IL1RAPL2: variants seen among roughly 807,000 people sequenced by gnomAD.
IL1RAPL2 encodes the protein X-linked interleukin-1 receptor accessory protein-like 2.
IL1RAPL2 carries 3 observed loss-of-function variants against 44.1 expected under a neutral mutation model. That is an observed-to-expected ratio of 0.07 (90% confidence interval 0.03 to 0.18). IL1RAPL2 has a LOEUF of 0.18. IL1RAPL2 is among the 10% of genes least tolerant of loss of function. The pLI is 1.00. For missense variants in IL1RAPL2, 391 were observed against 496.4 expected, an observed-to-expected ratio of 0.79 and a Z score of 2.02; for synonymous variants, 181 against 178.8, an observed-to-expected ratio of 1.01 and a Z score of -0.10.
At chrX:105,428,746 G>A (rs773093347) in intron 5 of IL1RAPL2, among the ~76,000 whole-genome samples, 4 of 111,500 alleles carry the variant, frequency 3.6e-5, no homozygotes, top group Non-Finnish European at 7.5e-5. Flanking sequence ...CCCTCCTATA[G>A]AACTAATCAT....
intron 1 of IL1RAPL2, among the ~76,000 whole-genome samples, chrX:104,596,024 C>T (rs1392614183): frequency 1.8e-5 from 2 of 110,109 alleles, no homozygotes; most frequent in Non-Finnish European, 3.8e-5. Context: ...TCTGTGGATC[C>T]CTTCTCAGAA....
Position 105,406,514 on chromosome X carries a change from T to G in IL1RAPL2, c.698-77799T>G, listed in dbSNP as rs1602397465. 3.3e-6 allele frequency: 4 copies of G among 1,197,632 alleles called. No homozygotes were observed. The East Asian group carries it at 1.2e-4, about 35-fold the overall frequency. The stretch of plus-strand genomic sequence containing the variant: ...ATTTGTCCGATTTTTTGCTAGCAAC[T>G]CCAACCAAGTCAGAACTGCGATGCC... On this transcript the variant is annotated intron_variant, in intron 5 of 10. Transcript: ENST00000372582.
intron 2 of IL1RAPL2, among the ~76,000 whole-genome samples, chrX:104,674,273 A>G (rs1353786715): frequency 9.0e-6 from 1 of 111,643 alleles, no homozygotes; most frequent in African/African-American, 3.3e-5. Flanking sequence ...AATACGTCCC[A>G]TCATTACCTA....
chrX:105,029,803 T>A (rs1260626543), intron 2 of IL1RAPL2, among the ~76,000 whole-genome samples: 7 of 111,176 alleles, frequency 6.3e-5, no homozygotes, highest in Non-Finnish European at 9.4e-5. Flanking sequence ...TATTTCTAGT[T>A]CTAGATCCCT....
At chrX:104,614,031 T>G (rs2148005447) in intron 1 of IL1RAPL2, among the ~76,000 whole-genome samples, 1 of 110,828 alleles carries the variant, frequency 9.0e-6, no homozygotes, top group African/African-American at 3.3e-5. Flanking sequence ...ATGGGTTGGT[T>G]GTAATTTTAC....
intron 2 of IL1RAPL2, among the ~76,000 whole-genome samples, chrX:105,068,474 T>C (rs2032165993): frequency 8.9e-6 from 1 of 112,103 alleles, no homozygotes; most frequent in African/African-American, 3.2e-5. Flanking sequence ...CCAAGGTCTC[T>C]ACCAGTATAA....
intron 2 of IL1RAPL2, among the ~76,000 whole-genome samples, chrX:105,031,723 T>G (rs757437388): frequency 8.9e-6 from 1 of 112,010 alleles, no homozygotes; most frequent in African/African-American, 3.2e-5. Context: ...GTTGTGTCTC[T>G]GCCAGGCTTT....
chrX:105,728,634 G>A (rs772122113), intron 7 of IL1RAPL2, among the ~76,000 whole-genome samples: 11 of 110,975 alleles, frequency 9.9e-5, no homozygotes, highest in African/African-American at 3.6e-4. Flanking sequence ...CTCTCATATA[G>A]CCCCTTTGCC....
At chrX:105,219,290 A>T in intron 3 of IL1RAPL2, 1 of 1,210,683 alleles carries the variant, frequency 8.3e-7, no homozygotes, top group East Asian at 3.0e-5. Flanking sequence ...GAGTATGAGT[A>T]TGAGTATGAG....
At chrX:105,133,853 C>T (rs1287112548) in intron 2 of IL1RAPL2, among the ~76,000 whole-genome samples, 1 of 111,189 alleles carries the variant, frequency 9.0e-6, no homozygotes, top group Non-Finnish European at 1.9e-5. Flanking sequence ...CTCCCAAAGA[C>T]TCCACCTCTT....
rs1304852687 is a variant in IL1RAPL2, at chrX:105,168,383, C to T, written c.83-27092C>T. Among the ~76,000 whole-genome samples, 5 of 102,518 alleles carry T rather than the reference C, an allele frequency of 4.9e-5. 1 individual carries two copies. In the Admixed American group the frequency reaches 5.3e-4, roughly 11 times the overall value. The allele number at this position is 102,518 out of a possible 115,157, so 89.0% of individuals were successfully genotyped here. ...GGATTAAATGAGTCATTGTATTAGC[C>T]AGTGTTCTCCAGAGAAATAGAACCA... On this transcript the variant is annotated intron_variant, in intron 2 of 10. Coordinates refer to ENST00000372582, the MANE Select transcript of IL1RAPL2 (RefSeq NM_017416.2).
intron 2 of IL1RAPL2, among the ~76,000 whole-genome samples, chrX:104,900,044 G>A (rs1478042044): frequency 9.0e-6 from 1 of 111,526 alleles, no homozygotes; most frequent in East Asian, 2.8e-4. Flanking sequence ...TTAATTATTA[G>A]CGAACTTCAT....
intron 6 of IL1RAPL2, among the ~76,000 whole-genome samples, chrX:105,559,021 C>T (rs759142948): frequency 8.9e-6 from 1 of 111,892 alleles, no homozygotes; most frequent in Admixed American, 9.5e-5. Flanking sequence ...ACATTGCCTC[C>T]TCTAAGCCTA....
intron 2 of IL1RAPL2, among the ~76,000 whole-genome samples, chrX:104,755,752 C>T (rs1031675820): frequency 1.8e-5 from 2 of 110,573 alleles, no homozygotes; most frequent in Non-Finnish European, 3.8e-5. Flanking sequence ...CCCAAAACTG[C>T]CCCAGTAGGA....
chrX:104,609,547 G>C (rs188493760), intron 1 of IL1RAPL2, among the ~76,000 whole-genome samples: 4 of 111,912 alleles, frequency 3.6e-5, no homozygotes, highest in Admixed American at 1.9e-4. Flanking sequence ...TTTGCTCATT[G>C]CTTTTCATTC....
chrX:105,008,236 C>T (rs1229678442), intron 2 of IL1RAPL2, among the ~76,000 whole-genome samples: 1 of 110,400 alleles, frequency 9.1e-6, no homozygotes, highest in African/African-American at 3.3e-5. Context: ...GCTAACTACA[C>T]TCACTCCCAC....
intron 5 of IL1RAPL2, among the ~76,000 whole-genome samples, chrX:105,402,795 A>G (rs1431720110): frequency 8.9e-6 from 1 of 112,004 alleles, no homozygotes; most frequent in Non-Finnish European, 1.9e-5. Context: ...AAATTGTTCT[A>G]CTTAATGGAT....
chrX:104,642,492 CT>C (rs372887521), intron 1 of IL1RAPL2, among the ~76,000 whole-genome samples: 171 of 104,393 alleles, frequency 1.6e-3, no homozygotes, highest in African/African-American at 3.7e-3. Context: ...GGATTCTTTT[CT>C]TTTTTTTTTT....
intron 7 of IL1RAPL2, among the ~76,000 whole-genome samples, chrX:105,725,733 T>C (rs1395793860): frequency 8.9e-6 from 1 of 111,882 alleles, no homozygotes; most frequent in Non-Finnish European, 1.9e-5. Context: ...CAATTTTTAA[T>C]GTCTTGAAGG....
Sources: gnomAD v4.1 joint callset for allele counts (sites outside exome capture counted in the v4.1 genomes callset) on GRCh38, gnomAD v4.1.1 for gene constraint, MANE v1.5 for transcripts, NCBI Gene and HGNC (gene_info 2026-07-23, HGNC 2026-07-21) for gene names.